AHCYL2: variants seen among roughly 807,000 people sequenced by gnomAD.
AHCYL2 encodes the protein adenosylhomocysteinase like 2, also known as S-adenosylhomocysteine hydrolase-like protein 2.
In AHCYL2, 28 loss-of-function variants were observed where a neutral mutation model predicts 81.4. The ratio of observed to expected loss-of-function variants is 0.34; its 90% CI spans 0.25 to 0.47. The LOEUF is 0.47. Ranked by LOEUF, AHCYL2 falls within the 20% of genes least tolerant of loss-of-function variation. AHCYL2 has a pLI of 1.00. For synonymous variants in AHCYL2, 272 were observed against 290.2 expected (o/e 0.94, Z 0.64); for missense variants, 551 against 785.1 (o/e 0.70, Z 3.56).
In AHCYL2 at chr7:129,368,096, G is replaced by T; in HGVS notation, c.364-11542G>T. The T allele has an allele frequency of 9.9e-7, 1 of 1,008,310 alleles. No homozygotes were observed. Among genetic ancestry groups the T allele is most frequent in the Non-Finnish European group, 1.2e-6 (1 of 844,492 alleles). The allele number at this position is 1,008,310 out of a possible 1,614,324, so 62.5% of individuals were successfully genotyped here. On this transcript the variant is annotated intron_variant, in intron 1 of 16. Coordinates refer to ENST00000325006, the MANE Select transcript of AHCYL2 (RefSeq NM_015328.4). This position sits in a 1 kb window ranked among gnomAD's most constrained non-coding sequence, Gnocchi z 4.4. ...GTGACGTGTCCTGAAGGGTGGGAGA[G>T]AATTCACAAGTGCCTCACACACAGG...
At chr7:129,378,227 G>C (rs1794782462) in intron 1 of AHCYL2, among the ~76,000 whole-genome samples, 1 of 151,874 alleles carries the variant, frequency 6.6e-6, no homozygotes, top group Non-Finnish European at 1.5e-5. Flanking sequence ...CAGGAGAATT[G>C]CTTGAACCCA....
chr7:129,294,180 T>C (rs970068571), intron 1 of AHCYL2, among the ~76,000 whole-genome samples: 1 of 152,230 alleles, frequency 6.6e-6, no homozygotes, highest in Non-Finnish European at 1.5e-5. Context: ...CTATGATGAA[T>C]GTTATTTATT....
chr7:129,370,116 G>T (rs917790938), intron 1 of AHCYL2, among the ~76,000 whole-genome samples: 9 of 152,156 alleles, frequency 5.9e-5, no homozygotes, highest in Non-Finnish European at 1.0e-4. Context: ...GAACATTAGT[G>T]TGCCAACTCA....
intron 2 of AHCYL2, among the ~76,000 whole-genome samples, chr7:129,386,462 C>CAA (rs574468187): frequency 8.0e-6 from 1 of 124,270 alleles, no homozygotes. Flanking sequence ...GACCCTGGCT[C>CAA]AAAAAAAAAA....
chr7:129,360,870 A>G (rs1468459032), intron 1 of AHCYL2, among the ~76,000 whole-genome samples: 3 of 152,160 alleles, frequency 2.0e-5, no homozygotes, highest in African/African-American at 7.2e-5. Flanking sequence ...TATTTTGAGG[A>G]TAGTGAGGAG....
At position 129,225,415 on chromosome 7, in the gene AHCYL2, C is replaced by G. The variant is rs1363494751; in HGVS notation, c.339C>G (p.Thr113=). 1 of 1,515,384 alleles carries G rather than the reference C, an allele frequency of 6.6e-7. No individual in the cohort carries two copies. The highest frequency in any genetic ancestry group is 8.8e-7 in the Non-Finnish European group (1 of 1,137,366). The allele number at this position is 1,515,384 out of a possible 1,614,324, so 93.9% of individuals were successfully genotyped here. Residue 113 remains threonine, a synonymous_variant, in exon 1 of 17, where the codon ACC becomes ACG. Transcript: ENST00000325006. ...TGGTCAGCCCCGACGGCACCGTCAC[C>G]GAGGCGCCGCGCACAGTCAAGAAGG... ...EALVSPDGTV[T]EAPRTVKKQI...
chr7:129,353,160 C>A (rs1793626631), intron 1 of AHCYL2, among the ~76,000 whole-genome samples: 1 of 152,044 alleles, frequency 6.6e-6, no homozygotes. Flanking sequence ...GTTGGCCAGG[C>A]TGGTCTCGAA....
chr7:129,283,048 A>G (rs1796504525), intron 1 of AHCYL2, among the ~76,000 whole-genome samples: 1 of 152,150 alleles, frequency 6.6e-6, no homozygotes, highest in Admixed American at 6.5e-5. Context: ...CTAGTTTTCT[A>G]AGTAGTTCCT....
intron 1 of AHCYL2, among the ~76,000 whole-genome samples, chr7:129,340,306 G>T: frequency 6.7e-6 from 1 of 149,514 alleles, no homozygotes; most frequent in East Asian, 2.0e-4. Context: ...GGTGGCTCAC[G>T]CCTGTAATCC....
chr7:129,413,912 C>G (rs907052281), intron 12 of AHCYL2, among the ~76,000 whole-genome samples: 2 of 152,108 alleles, frequency 1.3e-5, no homozygotes, highest in Admixed American at 1.3e-4. Context: ...TATTCAAGCT[C>G]GATGCCTGTT....
At chr7:129,242,627 G>C (rs1794903726) in intron 1 of AHCYL2, among the ~76,000 whole-genome samples, 1 of 151,464 alleles carries the variant, frequency 6.6e-6, no homozygotes, top group South Asian at 2.1e-4. Flanking sequence ...TGATGCAGGA[G>C]AATCATGTGA....
intron 1 of AHCYL2, among the ~76,000 whole-genome samples, chr7:129,317,177 A>G (rs2150782913): frequency 6.6e-6 from 1 of 152,294 alleles, no homozygotes; most frequent in Middle Eastern, 3.4e-3. Context: ...AAAAGCTTAT[A>G]TCTCTTCTTT....
intron 1 of AHCYL2, among the ~76,000 whole-genome samples, chr7:129,227,457 CAAAAAAAAA>C (rs58088647): frequency 1.0e-4 from 7 of 70,260 alleles, no homozygotes; most frequent in Admixed American, 4.7e-4. Flanking sequence ...CCTCTCTCTC[CAAAAAAAAA>C]AAAAAAAAAA....
At chr7:129,343,835 C>T (rs1793270737) in intron 1 of AHCYL2, among the ~76,000 whole-genome samples, 1 of 151,984 alleles carries the variant, frequency 6.6e-6, no homozygotes, top group Admixed American at 6.5e-5. Flanking sequence ...ATTCAAAAGA[C>T]ACAGGTAAGT....
chr7:129,361,770 C>T (rs1422858070), intron 1 of AHCYL2, among the ~76,000 whole-genome samples: 1 of 151,120 alleles, frequency 6.6e-6, no homozygotes, highest in Non-Finnish European at 1.5e-5. Flanking sequence ...GGACTGTAGG[C>T]GCACACCACT....
chr7:129,343,833 G>A (rs1793270640), intron 1 of AHCYL2, among the ~76,000 whole-genome samples: 1 of 152,040 alleles, frequency 6.6e-6, no homozygotes, highest in South Asian at 2.1e-4. Flanking sequence ...CTATTCAAAA[G>A]ACACAGGTAA....
chr7:129,313,972 C>T (rs1008524811), intron 1 of AHCYL2, among the ~76,000 whole-genome samples: 3 of 152,096 alleles, frequency 2.0e-5, no homozygotes, highest in Admixed American at 1.3e-4. Context: ...GACAAGGTTA[C>T]CAGGGCACAG....
intron 12 of AHCYL2, among the ~76,000 whole-genome samples, chr7:129,418,897 AT>A (rs903419523): frequency 6.6e-6 from 1 of 152,252 alleles, no homozygotes; most frequent in African/African-American, 2.4e-5. Context: ...GAAGTGATAC[AT>A]TGTGACCAAT....
At chr7:129,343,158 T>C (rs539958892) in intron 1 of AHCYL2, among the ~76,000 whole-genome samples, 1 of 152,310 alleles carries the variant, frequency 6.6e-6, no homozygotes, top group East Asian at 1.9e-4. Context: ...TTAAAAAGCA[T>C]GAGGAGAAGG....
Sources: gnomAD v4.1 joint callset for allele counts (sites outside exome capture counted in the v4.1 genomes callset) on GRCh38, gnomAD v4.1.1 for gene constraint, Gnocchi (gnomAD v3.1) non-coding constraint, MANE v1.5 for transcripts, NCBI Gene and HGNC (gene_info 2026-07-23, HGNC 2026-07-21) for gene names.